Variants in IL1RL2 observed in about 807,000 individuals in gnomAD.
IL1RL2 encodes interleukin 1 receptor like 2.
A neutral mutation model predicts 66.8 loss-of-function variants in IL1RL2; 68 were observed. That is an observed-to-expected ratio of 1.02 (90% CI 0.84 to 1.25). IL1RL2 has a LOEUF of 1.25. Among genes scored for constraint, IL1RL2 ranks in the 50% most tolerant of loss-of-function variants. The pLI is 0.00. For synonymous variants in IL1RL2, 305 were observed against 264.6 expected (o/e 1.15, Z -1.48); for missense variants, 729 against 709.3 (o/e 1.03, Z -0.32).
chr2:102,206,171 G>A (rs923876036), intron 5 of IL1RL2, among the ~76,000 whole-genome samples: 11 of 151,874 alleles, frequency 7.2e-5, no homozygotes, highest in Admixed American at 2.0e-4. Flanking sequence ...ATTTCTTTGC[G>A]TTTCCTCAAC....
At position 102,189,091 on chromosome 2, in the gene IL1RL2, T is replaced by A; in HGVS notation, c.74T>A (p.Ile25Asn). ...CTTTCCCTAGATGGATGCAAGGACA[T>A]TTTTATGAAAAATGAGATACTTTCA... ...LSVTADGCKD[I>N]FMKNEILSAS... The change falls in exon 3 of 12, where the codon ATT becomes AAT. Residue 25 changes from isoleucine (I) to asparagine (N), a missense_variant. By Grantham distance (149) the Ile-to-Asn change is moderately radical (BLOSUM62 -3). Transcript: ENST00000264257. 1 of 1,613,702 alleles carries A rather than the reference T, an allele frequency of 6.2e-7. No individual in the cohort carries two copies. Among genetic ancestry groups the A allele is most frequent in the Non-Finnish European group, 8.5e-7 (1 of 1,179,694 alleles).
intron 9 of IL1RL2, among the ~76,000 whole-genome samples, chr2:102,230,529 G>A (rs1006979442): frequency 2.0e-5 from 3 of 152,154 alleles, no homozygotes; most frequent in Non-Finnish European, 2.9e-5. Flanking sequence ...TTGAGCCTCC[G>A]TAAAATCAAG....
intron 5 of IL1RL2, among the ~76,000 whole-genome samples, chr2:102,205,465 C>T (rs891040703): frequency 4.6e-5 from 7 of 152,080 alleles, no homozygotes; most frequent in African/African-American, 1.4e-4. Context: ...CTTCAGCTTT[C>T]GTTTGTCTGG....
intron 10 of IL1RL2, 22 bp downstream of exon 10, chr2:102,233,146 A>G (rs1271087893): frequency 1.3e-6 from 2 of 1,591,704 alleles, no homozygotes; most frequent in Non-Finnish European, 1.7e-6. Context: ...GTGAGGTGTA[A>G]AAATAACAAA....
intron 4 of IL1RL2, among the ~76,000 whole-genome samples, chr2:102,199,838 G>T (rs1578112912): frequency 6.6e-6 from 1 of 152,124 alleles, no homozygotes; most frequent in East Asian, 1.9e-4. Context: ...CAGGGAAGAG[G>T]TTTATGAAAT....
At position 102,212,145 on chromosome 2, in the gene IL1RL2, C is replaced by CA; in HGVS notation, c.701dup (p.Asn234LysfsTer5). 1 of 1,612,886 alleles carries CA rather than the reference C, an allele frequency of 6.2e-7. No homozygotes were observed. The highest frequency in any genetic ancestry group is 8.5e-7 in the Non-Finnish European group (1 of 1,179,162). On this transcript the variant is annotated frameshift_variant, in exon 6 of 12. Coordinates refer to ENST00000264257, the MANE Select transcript of IL1RL2 (RefSeq NM_003854.4). LOFTEE classifies it high-confidence loss of function. ...GGAAGTGTCCCTAAAATCATTTATC[C>CA]AAAAAATCATTCAATTGAAGTACAG...
intron 4 of IL1RL2, among the ~76,000 whole-genome samples, chr2:102,194,895 C>T (rs1578096964): frequency 6.8e-6 from 1 of 146,748 alleles, no homozygotes; most frequent in African/African-American, 2.4e-5. Flanking sequence ...GTTACCTTGT[C>T]CAGGAGGTAT....
At position 102,234,878 on chromosome 2, in the gene IL1RL2, CTTCT is replaced by C. The variant is rs1338271721; in HGVS notation, c.1298-12_1298-9del. The C allele has an allele frequency of 6.2e-7, 1 of 1,602,234 alleles. No individual in the cohort carries two copies. On this transcript the variant is annotated splice_polypyrimidine_tract_variant and intron_variant, in intron 10 of 11. Coordinates refer to ENST00000264257, the MANE Select transcript of IL1RL2 (RefSeq NM_003854.4). ...GTTTTAATTGTGAGTTCTTCTGAGCCTTCTTTCTTTATTTCCAGCCGTGGCCAAT... is the reference window on the plus strand; with the variant it reads ...GTTTTAATTGTGAGTTCTTCTGAGCCTTCTTTATTTCCAGCCGTGGCCAAT...
intron 4 of IL1RL2, among the ~76,000 whole-genome samples, chr2:102,195,645 CTCTTTCTTTCTTTCTTTCTT>C (rs1219065291): frequency 0.015 from 295 of 20,240 alleles, 5 homozygotes; most frequent in African/African-American, 0.032. Flanking sequence ...CTCTCTCTCT[CTCTTTCTTTCTTTCTTTCTT>C]TCTTTCTTTC....
chr2:102,223,075 G>A (rs919865088), intron 8 of IL1RL2, among the ~76,000 whole-genome samples: 1 of 152,204 alleles, frequency 6.6e-6, no homozygotes, highest in African/African-American at 2.4e-5. Flanking sequence ...AGCTTGTGGA[G>A]GGATGGAGTC....
chr2:102,195,286 C>T (rs916136731), intron 4 of IL1RL2, among the ~76,000 whole-genome samples: 11 of 152,168 alleles, frequency 7.2e-5, no homozygotes, highest in South Asian at 6.2e-4. Context: ...GTGATTAGTA[C>T]TTTCTGTGAC....
intron 3 of IL1RL2, among the ~76,000 whole-genome samples, chr2:102,190,869 G>A (rs796284926): frequency 5.9e-5 from 9 of 152,264 alleles, no homozygotes; most frequent in African/African-American, 1.7e-4. Flanking sequence ...AGAAATTGAC[G>A]AAGATATTAT....
chr2:102,210,540 A>G (rs1689082816), intron 5 of IL1RL2, among the ~76,000 whole-genome samples: 1 of 152,216 alleles, frequency 6.6e-6, no homozygotes, highest in South Asian at 2.1e-4. Context: ...CACAGGTAAC[A>G]TGATGTCATT....
intron 3 of IL1RL2, 77 bp from the exon 4 acceptor site, chr2:102,191,848 A>T: frequency 9.6e-7 from 1 of 1,045,282 alleles, no homozygotes; most frequent in Non-Finnish European, 1.4e-6. Context: ...TGATTTGAAA[A>T]CATTTGAAAA....
chr2:102,217,652 G>T lies in IL1RL2; in HGVS notation c.725-1301G>T, dbSNP rs915704977. 2.0e-5 allele frequency among the ~76,000 whole-genome samples: 3 copies of T among 152,126 alleles called. No homozygotes were observed. The South Asian group carries it at 6.2e-4, about 31-fold the overall frequency. ...ACAAATCAACAGCCAACTGATATTT[G>T]ACAAAAGTGCCAGGAACACACATTA... On this transcript the variant is annotated intron_variant, in intron 6 of 11. Transcript: ENST00000264257.
At chr2:102,200,599 G>A (rs566812120) in intron 4 of IL1RL2, among the ~76,000 whole-genome samples, 1 of 152,356 alleles carries the variant, frequency 6.6e-6, no homozygotes, top group East Asian at 1.9e-4. Flanking sequence ...GAATTCAAAT[G>A]TTTGAATGAA....
intron 9 of IL1RL2, 145 bp from the exon 10 acceptor site, chr2:102,232,818 C>G: frequency 1.3e-6 from 1 of 785,858 alleles, no homozygotes; most frequent in South Asian, 1.9e-5. Context: ...CTTGGCAGCC[C>G]CTGGCACCAA....
At chr2:102,241,533 T>A (rs905892853), downstream of IL1RL2, among the ~76,000 whole-genome samples, 1 of 152,200 alleles carries the variant, frequency 6.6e-6, no homozygotes, top group African/African-American at 2.4e-5. Flanking sequence ...GAACAGGACA[T>A]TTACAAAGTA....
intron 5 of IL1RL2, among the ~76,000 whole-genome samples, chr2:102,211,135 A>C (rs1689136256): frequency 3.3e-5 from 5 of 152,208 alleles, no homozygotes; most frequent in Admixed American, 2.6e-4. Flanking sequence ...GACATGCTGC[A>C]TTTAAATAGT....
Sources: allele counts gnomAD v4.1 joint callset (sites outside exome capture counted in the v4.1 genomes callset), GRCh38; gene constraint gnomAD v4.1.1; transcripts MANE v1.5; gene names NCBI Gene and HGNC (gene_info 2026-07-23, HGNC 2026-07-21).